The following NRXN1 variants were observed in gnomAD, a reference collection of about 807,000 sequenced individuals.
The protein encoded by NRXN1 is neurexin-1.
Under a neutral mutation model 150.9 loss-of-function variants are expected in NRXN1, and 39 were observed. The observed-to-expected ratio is 0.26, with a 90% CI of 0.20 to 0.34. The LOEUF is 0.34. Among genes scored for constraint, NRXN1 ranks in the 10% least tolerant of loss-of-function variants. NRXN1 has a pLI of 1.00. For missense variants in NRXN1, 1,815 were observed against 1,949.9 expected (o/e 0.93, Z 1.30); for synonymous variants, 924 against 757.0 (o/e 1.22, Z -3.62).
chr2:50,183,267 C>T (rs1278062073), intron 18 of NRXN1, among the ~76,000 whole-genome samples: 1 of 152,048 alleles, frequency 6.6e-6, no homozygotes, highest in African/African-American at 2.4e-5. Context: ...TAAAAATTGG[C>T]ATCTGAGGTT....
At chr2:50,143,586 C>G (rs1707581857) in intron 18 of NRXN1, among the ~76,000 whole-genome samples, 1 of 151,936 alleles carries the variant, frequency 6.6e-6, no homozygotes, top group East Asian at 1.9e-4. Context: ...TGTTCTACAG[C>G]CAGATTAATC....
At position 50,050,998 on chromosome 2, in the gene NRXN1, C is replaced by T. The variant is rs548790709; in HGVS notation, c.4128+2273G>A. 2.6e-5 allele frequency among the ~76,000 whole-genome samples: 4 copies of T among 152,040 alleles called. No homozygotes were observed. In the East Asian group the frequency reaches 5.8e-4, roughly 22 times the overall value. On this transcript the variant is annotated intron_variant, in intron 21 of 22. Transcript: ENST00000401669. Reference sequence around the variant, plus strand: ...TCTATTTTTAAATGAACCTAATAATCTTTTATTTAAGTCAATATCTCCTCA... The same window carrying T: ...TCTATTTTTAAATGAACCTAATAATTTTTTATTTAAGTCAATATCTCCTCA...
rs1308502939 is a variant in NRXN1, at chr2:50,610,648, T to TAC, written c.1320+9373_1320+9374insGT. Among the ~76,000 whole-genome samples the TAC allele has an allele frequency of 3.0e-5, 3 of 99,496 alleles. No homozygotes were observed. The South Asian group carries it at 1.1e-3, about 37-fold the overall frequency. 65.3% of individuals were successfully genotyped at this position (99,496 alleles called of 152,430 possible). On this transcript the variant is annotated intron_variant, in intron 8 of 22. Transcript: ENST00000401669. ...CACATACTATAAATAGATACATATA[T>TAC]ATATATATATATATATATATATATA...
chr2:50,628,693 A>G (rs1330475613), intron 5 of NRXN1, among the ~76,000 whole-genome samples: 1 of 151,684 alleles, frequency 6.6e-6, no homozygotes, highest in East Asian at 1.9e-4. Context: ...CAAGTCCCAA[A>G]TAACTTTTGC....
chr2:50,413,218 A>G (rs2083310749), intron 17 of NRXN1, among the ~76,000 whole-genome samples: 1 of 152,232 alleles, frequency 6.6e-6, no homozygotes, highest in Non-Finnish European at 1.5e-5. Flanking sequence ...ATACATAAGG[A>G]GATATAACAA....
intron 8 of NRXN1, among the ~76,000 whole-genome samples, chr2:50,601,555 C>T (rs193027772): frequency 2.8e-4 from 43 of 152,270 alleles, no homozygotes; most frequent in Middle Eastern, 3.4e-3. Context: ...TCAAAGATAT[C>T]CAAAATGTTC....
At chr2:50,676,223 T>A (rs1451839090) in intron 5 of NRXN1, among the ~76,000 whole-genome samples, 2 of 152,158 alleles carry the variant, frequency 1.3e-5, no homozygotes, top group Admixed American at 6.6e-5. Context: ...CCTTCTGTCA[T>A]GATTGTAAGC....
intron 9 of NRXN1, among the ~76,000 whole-genome samples, chr2:50,550,549 T>C (rs1667287179): frequency 1.3e-5 from 2 of 152,028 alleles, no homozygotes; most frequent in Admixed American, 1.3e-4. Flanking sequence ...GCTTGAAAGT[T>C]CATATGTACC....
In NRXN1 at chr2:50,214,426, C is replaced by A. The variant is rs114499547; in HGVS notation, c.3546+22363G>T. ...CTAATCCAATCAGCAACTCTATATT[C>A]CATACTTTCAGCATTTAATGAGTAA... On this transcript the variant is annotated intron_variant, in intron 18 of 22. Transcript: ENST00000401669. Among the ~76,000 whole-genome samples the A allele has an allele frequency of 8.2e-3, 1,248 of 152,090 alleles. 24 individuals are homozygous for A. The highest frequency in any genetic ancestry group is 0.028 in the African/African-American group (1,182 of 41,560).
chr2:50,083,943 G>A (rs1017031994), intron 19 of NRXN1, among the ~76,000 whole-genome samples: 24 of 152,052 alleles, frequency 1.6e-4, no homozygotes, highest in African/African-American at 5.8e-4. Flanking sequence ...GCGCAGATTG[G>A]TGCATTTACA....
At chr2:50,871,474 C>T (rs376454832) in intron 5 of NRXN1, among the ~76,000 whole-genome samples, 1 of 151,802 alleles carries the variant, frequency 6.6e-6, no homozygotes, top group African/African-American at 2.4e-5. Flanking sequence ...TATGATCTCC[C>T]TTCAAGCAGG....
At chr2:50,983,631 A>G (rs762309288) in intron 2 of NRXN1, among the ~76,000 whole-genome samples, 3 of 152,130 alleles carry the variant, frequency 2.0e-5, no homozygotes, top group Non-Finnish European at 2.9e-5. Flanking sequence ...CTACATACAC[A>G]TATTAGGGAA....
intron 2 of NRXN1, among the ~76,000 whole-genome samples, chr2:50,937,856 T>C (rs1049926122): frequency 6.6e-6 from 1 of 152,136 alleles, no homozygotes; most frequent in Non-Finnish European, 1.5e-5. Flanking sequence ...AAGAAATGCA[T>C]TGTTAGGTGA....
At chr2:50,515,508 T>C (rs1409017047) in intron 12 of NRXN1, among the ~76,000 whole-genome samples, 2 of 152,020 alleles carry the variant, frequency 1.3e-5, no homozygotes, top group African/African-American at 4.8e-5. Context: ...CACAAATCAA[T>C]TGCAAAGTCC....
chr2:49,951,473 C>T (rs1049485781), intron 21 of NRXN1, among the ~76,000 whole-genome samples: 6 of 151,850 alleles, frequency 4.0e-5, no homozygotes, highest in African/African-American at 7.2e-5. Context: ...AGCCATGGAA[C>T]AACCTATTTT....
At chr2:50,565,125 G>A (rs1427804609) in intron 8 of NRXN1, among the ~76,000 whole-genome samples, 1 of 152,110 alleles carries the variant, frequency 6.6e-6, no homozygotes, top group Non-Finnish European at 1.5e-5. Context: ...AAGATTAAAT[G>A]AATGCTAGAT....
chr2:50,461,034 T>G (rs1354410485), intron 17 of NRXN1, among the ~76,000 whole-genome samples: 1 of 152,062 alleles, frequency 6.6e-6, no homozygotes, highest in Non-Finnish European at 1.5e-5. Flanking sequence ...ATATATGTTA[T>G]GATTCACTTC....
intron 8 of NRXN1, among the ~76,000 whole-genome samples, chr2:50,593,339 G>A (rs762825033): frequency 5.9e-5 from 9 of 152,186 alleles, no homozygotes; most frequent in Non-Finnish European, 1.2e-4. Context: ...CATGGAGTCT[G>A]TCATCTAGTC....
At chr2:50,569,290 G>A (rs77529835) in intron 8 of NRXN1, among the ~76,000 whole-genome samples, 317 of 152,164 alleles carry the variant, frequency 2.1e-3, no homozygotes, top group African/African-American at 7.4e-3. Flanking sequence ...CTAAAAGAGT[G>A]TAATTGGATT....
Sources: gnomAD v4.1 joint callset for allele counts (sites outside exome capture counted in the v4.1 genomes callset) on GRCh38, gnomAD v4.1.1 for gene constraint, MANE v1.5 for transcripts, NCBI Gene and HGNC (gene_info 2026-07-23, HGNC 2026-07-21) for gene names.